The following VWC2 variants were observed in gnomAD, a reference collection of about 807,000 sequenced individuals.
VWC2 encodes von Willebrand factor C domain containing 2.
In VWC2, 14 loss-of-function variants were observed where a neutral mutation model predicts 29.8. That is an observed-to-expected ratio of 0.47 (90% CI 0.31 to 0.74). The LOEUF (loss-of-function observed/expected upper bound fraction) is 0.74, where lower values mean the gene tolerates loss of function less well. Among genes scored for constraint, VWC2 ranks in the 30% least tolerant of loss-of-function variants. The pLI is 0.05. For missense variants in VWC2, 457 were observed against 459.8 expected (o/e 0.99, Z 0.05); for synonymous variants, 213 against 199.0 (o/e 1.07, Z -0.59).
chr7:49,803,730 T>C (rs1788802915), intron 3 of VWC2, among the ~76,000 whole-genome samples: 1 of 152,116 alleles, frequency 6.6e-6, no homozygotes, highest in Non-Finnish European at 1.5e-5. Flanking sequence ...GGGTTTGGTA[T>C]GTGGCAGGCA....
Position 49,775,583 on chromosome 7 carries a change from C to T in VWC2, c.148C>T (p.His50Tyr). The change falls in exon 2 of 4, where the codon CAC (histidine) becomes TAC (tyrosine). Residue 50 changes from histidine to tyrosine, a missense_variant. Around this residue, in one of 2 missense-constraint regions of VWC2, gnomAD observed 272 missense variants for 202.7 expected, o/e 1.34. Coordinates refer to ENST00000340652, the MANE Select transcript of VWC2 (RefSeq NM_198570.5). ...GCAGCCGGGCCAGGAGAAGCGTGAG[C>T]ACGCCTCTCGGGACGGCCCGGGGCG... ...PEQPGQEKRE[H>Y]ASRDGPGRVN... 1.3e-6 allele frequency: 2 copies of T among 1,539,138 alleles called. No homozygotes were observed. The highest frequency in any genetic ancestry group is 1.2e-5 in the South Asian group (1 of 82,888).
intron 3 of VWC2, among the ~76,000 whole-genome samples, chr7:49,814,093 C>T (rs1052323861): frequency 6.6e-6 from 1 of 152,198 alleles, no homozygotes; most frequent in East Asian, 1.9e-4. Flanking sequence ...TTATTTTACA[C>T]GTGTCTTCTG....
chr7:49,900,509 TA>T (rs983950570), intron 3 of VWC2, among the ~76,000 whole-genome samples: 1 of 151,484 alleles, frequency 6.6e-6, no homozygotes, highest in Non-Finnish European at 1.5e-5. Context: ...AAAGGGATAA[TA>T]AAAAAATACT....
chr7:49,822,947 T>G (rs111236694), intron 3 of VWC2, among the ~76,000 whole-genome samples: 1 of 152,346 alleles, frequency 6.6e-6, no homozygotes, highest in African/African-American at 2.4e-5. Context: ...CTGATTAGTA[T>G]GAATAATGCT....
chr7:49,879,492 A>G (rs6966640), intron 3 of VWC2, among the ~76,000 whole-genome samples: 112,927 of 152,038 alleles, frequency 0.74, 42,178 homozygotes, highest in East Asian at 0.88. Context: ...AGCATGGCAT[A>G]TAATAGAATG....
chr7:49,857,064 C>G (rs1199520095), intron 3 of VWC2, among the ~76,000 whole-genome samples: 2 of 132,962 alleles, frequency 1.5e-5, no homozygotes, highest in Non-Finnish European at 3.2e-5. Flanking sequence ...TATCTACCTT[C>G]TTAACAAATT....
intron 3 of VWC2, among the ~76,000 whole-genome samples, chr7:49,846,567 C>T: frequency 6.6e-6 from 1 of 152,172 alleles, no homozygotes; most frequent in African/African-American, 2.4e-5. Flanking sequence ...CTGTAGAAAG[C>T]CTTGTGGGCT....
chr7:49,907,943 A>G (rs1036714407), intron 3 of VWC2, among the ~76,000 whole-genome samples: 2 of 151,950 alleles, frequency 1.3e-5, no homozygotes, highest in Admixed American at 1.3e-4. Context: ...AAGGTGCCAG[A>G]CTCTTCATTA....
intron 3 of VWC2, among the ~76,000 whole-genome samples, chr7:49,897,547 C>G (rs1489725030): frequency 6.6e-6 from 1 of 152,166 alleles, no homozygotes; most frequent in Non-Finnish European, 1.5e-5. Context: ...AGTTGCAACT[C>G]TATCCTAAAA....
At chr7:49,795,239 A>G (rs1225749812) in intron 2 of VWC2, among the ~76,000 whole-genome samples, 1 of 152,198 alleles carries the variant, frequency 6.6e-6, no homozygotes, top group Admixed American at 6.5e-5. Flanking sequence ...TTCATATGTG[A>G]ATTTGAAAAT....
intron 2 of VWC2, among the ~76,000 whole-genome samples, chr7:49,788,503 ATGAG>A (rs1562704557): frequency 7.0e-6 from 1 of 142,754 alleles, no homozygotes; most frequent in African/African-American, 2.7e-5. Flanking sequence ...GACAGTGTGT[ATGAG>A]TGTGTGTGAG....
At chr7:49,780,528 A>G (rs1268369688) in intron 2 of VWC2, among the ~76,000 whole-genome samples, 1 of 152,212 alleles carries the variant, frequency 6.6e-6, no homozygotes, top group African/African-American at 2.4e-5. Flanking sequence ...TTGCAAGCTT[A>G]TTTCATGTTT....
At chr7:49,816,439 A>G (rs691014) in intron 3 of VWC2, among the ~76,000 whole-genome samples, 137,102 of 152,166 alleles carry the variant, frequency 0.9, 61,961 homozygotes, top group East Asian at 0.94. Context: ...ACTGCACTTC[A>G]TGGTTGACCA....
chr7:49,908,132 C>T lies in VWC2; in HGVS notation c.827-3902C>T, dbSNP rs185686734. ...CACTGTCTGTCATGTGATGCCAATA[C>T]TAGAGTCAGGCTGGAATTTGGTTTC... On this transcript the variant is annotated intron_variant, in intron 3 of 3. Transcript: ENST00000340652. Among the ~76,000 whole-genome samples, 51 of 152,320 alleles carry T rather than the reference C, an allele frequency of 3.3e-4. No individual in the cohort carries two copies. In the Middle Eastern group the frequency reaches 0.014, roughly 41 times the overall value.
chr7:49,898,367 TTTA>T (rs1434500474), intron 3 of VWC2, among the ~76,000 whole-genome samples: 4 of 152,088 alleles, frequency 2.6e-5, no homozygotes, highest in Non-Finnish European at 5.9e-5. Context: ...TACTTCTTTC[TTTA>T]TTTAGATATG....
Position 49,918,457 on chromosome 7 carries a change from G to A in VWC2, c.*6272G>A, listed in dbSNP as rs547223739. The A allele has an allele frequency of 3.9e-5, 6 of 152,220 alleles. No homozygotes were observed. The highest frequency in any genetic ancestry group is 3.9e-4 in the East Asian group (2 of 5,178). 9.4% of individuals were successfully genotyped at this position (152,220 alleles called of 1,614,324 possible). A position where few individuals can be genotyped will look rare whatever the true frequency, so the allele number is the denominator to read the frequency against. ...TACTTGTCAAAGTAAATAGTAGCTC[G>A]TCACAAAAATGTTGTAGCCTCCCTA... On this transcript the variant is annotated 3_prime_UTR_variant, in exon 4 of 4. Coordinates refer to ENST00000340652, the MANE Select transcript of VWC2 (RefSeq NM_198570.5).
intron 3 of VWC2, among the ~76,000 whole-genome samples, chr7:49,872,907 C>T (rs1583722444): frequency 3.7e-5 from 2 of 54,402 alleles, no homozygotes; most frequent in South Asian, 1.5e-3. Flanking sequence ...CAGAGCAAGA[C>T]TTTGTCTCAA....
At chr7:49,797,204 A>T (rs1360018932) in intron 2 of VWC2, among the ~76,000 whole-genome samples, 1 of 152,182 alleles carries the variant, frequency 6.6e-6, no homozygotes, top group Non-Finnish European at 1.5e-5. Context: ...CATAACTCTG[A>T]GTAGTTGTAG....
intron 3 of VWC2, among the ~76,000 whole-genome samples, chr7:49,841,959 T>A: frequency 6.6e-6 from 1 of 152,076 alleles, no homozygotes; most frequent in African/African-American, 2.4e-5. Context: ...CTCCACCTCC[T>A]GGGTTCAAGC....
Sources: allele counts gnomAD v4.1 joint callset (sites outside exome capture counted in the v4.1 genomes callset), GRCh38; gene constraint gnomAD v4.1.1; regional missense constraint gnomAD v4.1.1; transcripts MANE v1.5; gene names NCBI Gene and HGNC (gene_info 2026-07-23, HGNC 2026-07-21).